RAB3IL1: variants seen among roughly 807,000 people sequenced by gnomAD.
RAB3IL1 encodes the protein RAB3A interacting protein like 1.
A neutral mutation model predicts 49.2 loss-of-function variants in RAB3IL1; 37 were observed. That is an observed-to-expected ratio of 0.75 (90% CI 0.58 to 0.99). RAB3IL1 has a LOEUF of 0.99. Among genes scored for constraint, RAB3IL1 ranks in the 50% least tolerant of loss-of-function variants. RAB3IL1 has a pLI of 0.00. For synonymous variants in RAB3IL1, 193 were observed against 213.9 expected (o/e 0.90, Z 0.85); for missense variants, 484 against 513.0 (o/e 0.94, Z 0.55).
At chr11:61,901,443 C>T (rs1476565251) in intron 8 of RAB3IL1, among the ~76,000 whole-genome samples, 1 of 152,228 alleles carries the variant, frequency 6.6e-6, no homozygotes, top group East Asian at 1.9e-4. Context: ...TGAACCTTTT[C>T]CAAAGCTTCG....
chr11:61,904,379 T>TG (rs776920217), intron 7 of RAB3IL1, among the ~76,000 whole-genome samples, 167 bp downstream of exon 7: 6 of 152,094 alleles, frequency 3.9e-5, no homozygotes, highest in Admixed American at 2.6e-4. Context: ...CTGGAAAGCC[T>TG]GGGGGTCCAC....
chr11:61,902,400 G>A (rs1412840383), intron 8 of RAB3IL1, 42 bp downstream of exon 8: 1 of 1,525,884 alleles, frequency 6.6e-7, no homozygotes, highest in South Asian at 1.2e-5. Context: ...GCACCCAGGT[G>A]GCCCCAAAGG....
intron 1 of RAB3IL1, 84 bp from the exon 2 acceptor site, chr11:61,908,390 T>C: frequency 7.7e-7 from 1 of 1,294,838 alleles, no homozygotes; most frequent in African/African-American, 1.5e-5. Context: ...CCCGGGGCAA[T>C]GTGCCTGCCA....
At chr11:61,900,045 G>T (rs1481073462) in intron 8 of RAB3IL1, among the ~76,000 whole-genome samples, 1 of 152,200 alleles carries the variant, frequency 6.6e-6, no homozygotes, top group Non-Finnish European at 1.5e-5. Context: ...TGCTGAGAGT[G>T]GGGGCACTAA....
At chr11:61,937,358 G>A in the RAB3IL1 span, among the ~76,000 whole-genome samples, 3 of 152,282 alleles carry the variant, frequency 2.0e-5, no homozygotes, top group Admixed American at 6.5e-5. Flanking sequence ...TTGGGCTGGA[G>A]TGCAGTGTTG....
chr11:61,909,033 C>T (rs61898562), intron 1 of RAB3IL1, among the ~76,000 whole-genome samples: 2,991 of 152,312 alleles, frequency 0.02, 36 homozygotes, highest in Non-Finnish European at 0.032. Context: ...TCCGCCCCCA[C>T]CCACACTCTC....
rs1939756266 is a variant in RAB3IL1, at chr11:61,917,525, G to C, written c.-158C>G. On this transcript the variant is annotated 5_prime_UTR_variant, in exon 1 of 10. Transcript: ENST00000394836. ...CAGTAGGTCTCAGACGCCTGGGCTC[G>C]CGGCCCCCAGCCCAGCCCCGACCCT... The C allele has an allele frequency of 3.6e-6, 4 of 1,117,744 alleles. No individual in the cohort carries two copies. The highest frequency in any genetic ancestry group is 4.4e-6 in the Non-Finnish European group (4 of 916,360). 69.2% of individuals were successfully genotyped at this position (1,117,744 alleles called of 1,614,324 possible).
At chr11:61,920,785 T>C (rs1007149075), upstream of RAB3IL1, among the ~76,000 whole-genome samples, 1 of 152,060 alleles carries the variant, frequency 6.6e-6, no homozygotes. Context: ...TAGCCGGGCA[T>C]GGTGGCGCAT....
At chr11:61,907,780 T>C in intron 2 of RAB3IL1, 120 bp from the exon 3 acceptor site, 1 of 980,922 alleles carries the variant, frequency 1.0e-6, no homozygotes, top group South Asian at 1.6e-5. Context: ...TCAGAGTTTA[T>C]TTCCTCTGGT....
chr11:61,944,815 G>A, the RAB3IL1 span, among the ~76,000 whole-genome samples: 1 of 152,160 alleles, frequency 6.6e-6, no homozygotes, highest in East Asian at 1.9e-4. Context: ...TCCTGCCTCA[G>A]CCTCCCCGAG....
chr11:61,943,004 C>T, the RAB3IL1 span, among the ~76,000 whole-genome samples: 25 of 152,262 alleles, frequency 1.6e-4, no homozygotes, highest in South Asian at 4.1e-3. Flanking sequence ...ATGGGCAAGG[C>T]GATCCTAAAA....
the RAB3IL1 span, among the ~76,000 whole-genome samples, chr11:61,934,905 T>C: frequency 6.6e-6 from 1 of 151,724 alleles, no homozygotes; most frequent in African/African-American, 2.4e-5. Flanking sequence ...AATACAGACT[T>C]TACAAAATTA....
chr11:61,936,821 A>G, the RAB3IL1 span, among the ~76,000 whole-genome samples: 1 of 152,228 alleles, frequency 6.6e-6, no homozygotes, highest in Non-Finnish European at 1.5e-5. Context: ...ATCTATCTAT[A>G]TATAACTAAG....
At chr11:61,941,668 C>T in the RAB3IL1 span, among the ~76,000 whole-genome samples, 44 of 152,116 alleles carry the variant, frequency 2.9e-4, no homozygotes, top group Admixed American at 1.6e-3. Context: ...AGGAGAATGG[C>T]GTGAACCCAG....
At chr11:61,920,354 C>T (rs1452400541), upstream of RAB3IL1, 57 of 921,954 alleles carry the variant, frequency 6.2e-5, no homozygotes, top group Non-Finnish European at 7.1e-5. Flanking sequence ...CCGCTATCTC[C>T]TTCAACCCCG....
At chr11:61,926,457 A>G in the RAB3IL1 span, among the ~76,000 whole-genome samples, 5 of 152,296 alleles carry the variant, frequency 3.3e-5, no homozygotes, top group South Asian at 2.1e-4. Flanking sequence ...ATGATCCCCA[A>G]TGTTGGAGGT....
the RAB3IL1 span, among the ~76,000 whole-genome samples, chr11:61,930,114 T>G: frequency 6.6e-6 from 1 of 151,912 alleles, no homozygotes; most frequent in African/African-American, 2.4e-5. Context: ...CAGGCTGGTC[T>G]CAAACTCCTG....
the RAB3IL1 span, among the ~76,000 whole-genome samples, chr11:61,929,608 A>G: frequency 2.0e-5 from 3 of 148,178 alleles, no homozygotes; most frequent in Non-Finnish European, 4.5e-5. Context: ...TTTTTTTGAG[A>G]CAGAGTCTTG....
intron 7 of RAB3IL1, 98 bp downstream of exon 7, chr11:61,904,448 C>A: frequency 2.5e-6 from 3 of 1,192,474 alleles, no homozygotes; most frequent in Non-Finnish European, 3.6e-6. Flanking sequence ...CCTGTCCTGT[C>A]GGCGCTGCTG....
Sources: allele counts gnomAD v4.1 joint callset (sites outside exome capture counted in the v4.1 genomes callset), GRCh38; gene constraint gnomAD v4.1.1; transcripts MANE v1.5; gene names NCBI Gene and HGNC (gene_info 2026-07-23, HGNC 2026-07-21).